Variants in RASA1 observed in about 807,000 individuals in gnomAD.
The protein encoded by RASA1 is RAS p21 protein activator 1.
In RASA1, 25 loss-of-function variants were observed where a neutral mutation model predicts 132.2. That is an observed-to-expected ratio of 0.19 (90% confidence interval 0.14 to 0.26). The LOEUF (loss-of-function observed/expected upper bound fraction) is 0.26, where lower values mean the gene tolerates loss of function less well. Ranked by LOEUF, RASA1 falls within the 10% of genes least tolerant of loss-of-function variation. The probability of loss-of-function intolerance (pLI) is 1.00; values close to 1 mark genes in which losing one functional copy is unlikely to be tolerated. For synonymous variants in RASA1, 477 were observed against 449.9 expected (o/e 1.06, Z -0.76); for missense variants, 964 against 1,299.2 (o/e 0.74, Z 3.97).
rs192385510 is a variant in RASA1, at chr5:87,269,353, G to A, written c.539+363G>A. 3.7e-3 allele frequency: 5,578 copies of A among 1,502,130 alleles called. 35 individuals are homozygous for A. The highest frequency in any genetic ancestry group is 0.015 in the African/African-American group (1,059 of 72,314). The allele number at this position is 1,502,130 out of a possible 1,614,324, so 93.1% of individuals were successfully genotyped here. On this transcript the variant is annotated intron_variant, in intron 1 of 24. Transcript: ENST00000274376. ...AGTCATAGTGTATATTAACTTGTGT[G>A]TGTTACTTGATAAAGCTAGATGATT...
intron 23 of RASA1, among the ~76,000 whole-genome samples, chr5:87,389,053 ATAT>A (rs1561332996): frequency 1.3e-5 from 2 of 152,172 alleles, no homozygotes; most frequent in Non-Finnish European, 2.9e-5. Flanking sequence ...TTAATACTGA[ATAT>A]TATATTTCAA....
chr5:87,389,585 TAATA>T, intron 24 of RASA1, 58 bp downstream of exon 24: 1 of 1,588,230 alleles, frequency 6.3e-7, no homozygotes, highest in Non-Finnish European at 8.6e-7. Flanking sequence ...CTTAGAGAGT[TAATA>T]AATAGCTGAA....
chr5:87,302,286 A>G (rs1755399398), intron 1 of RASA1, among the ~76,000 whole-genome samples: 1 of 151,764 alleles, frequency 6.6e-6, no homozygotes, highest in South Asian at 2.1e-4. Flanking sequence ...TATTTTCTTG[A>G]TGTGATGACT....
chr5:87,360,511 A>G (rs1327388592), intron 9 of RASA1, among the ~76,000 whole-genome samples: 1 of 152,204 alleles, frequency 6.6e-6, no homozygotes, highest in Non-Finnish European at 1.5e-5. Flanking sequence ...AGATTTTAAA[A>G]CACCAGTTAA....
rs544557117 is a variant in RASA1, at chr5:87,380,668, A to G, written c.2690+73A>G. The G allele has an allele frequency of 2.1e-5, 27 of 1,312,308 alleles. No individual in the cohort carries two copies. The African/African-American group carries it at 3.1e-4, about 15-fold the overall frequency. 81.3% of individuals were successfully genotyped at this position (1,312,308 alleles called of 1,614,324 possible). On this transcript the variant is annotated intron_variant, in intron 20 of 24. Coordinates refer to ENST00000274376, the MANE Select transcript of RASA1 (RefSeq NM_002890.3). ...AATTGTGAAAAATTGAGGAATAACA[A>G]TATACAATTCAATGCTTTTTTCTTT...
intron 1 of RASA1, among the ~76,000 whole-genome samples, chr5:87,317,598 G>T (rs1318582231): frequency 1.3e-5 from 2 of 150,190 alleles, no homozygotes; most frequent in African/African-American, 4.9e-5. Flanking sequence ...AGGAAAAGAT[G>T]ACCTTTTTCC....
chr5:87,273,009 G>A (rs1753914403), intron 1 of RASA1, among the ~76,000 whole-genome samples: 1 of 152,188 alleles, frequency 6.6e-6, no homozygotes, highest in African/African-American at 2.4e-5. Context: ...GGTATTAAGG[G>A]GGTTTAGGTC....
intron 13 of RASA1, 57 bp downstream of exon 13, chr5:87,372,252 CTTTTTATTTTA>C: frequency 6.7e-7 from 1 of 1,491,782 alleles, no homozygotes; most frequent in East Asian, 2.3e-5. Context: ...ACACTTTGCT[CTTTTTATTTTA>C]TTTTTATCTG....
In RASA1 at chr5:87,286,149, G is replaced by A. The variant is rs184155704; in HGVS notation, c.539+17159G>A. ...CCCGAGTAGCTGGGATTACAGGTGCGTGCCACCACCCCTGGCTAATTTTTG... is the reference window on the plus strand; with the variant it reads ...CCCGAGTAGCTGGGATTACAGGTGCATGCCACCACCCCTGGCTAATTTTTG... On this transcript the variant is annotated intron_variant, in intron 1 of 24. Transcript: ENST00000274376. 4.6e-5 allele frequency among the ~76,000 whole-genome samples: 7 copies of A among 151,968 alleles called. No homozygotes were observed. The East Asian group carries it at 9.7e-4, about 21-fold the overall frequency.
chr5:87,268,859 T>TCTGCCCCCTCCCCCTTAC lies in RASA1; in HGVS notation c.418_435dup (p.Pro140_Pro145dup). 1 of 1,614,048 alleles carries TCTGCCCCCTCCCCCTTAC rather than the reference T, an allele frequency of 6.2e-7. No homozygotes were observed. The highest frequency in any genetic ancestry group is 8.5e-7 in the Non-Finnish European group (1 of 1,180,002). On this transcript the variant is annotated inframe_insertion, in exon 1 of 25. Transcript: ENST00000274376. ...TCGGGCCAGGCGGCGGTTTTCCCCC[T>TCTGCCCCCTCCCCCTTAC]CTGCCCCCTCCCCCTTACCTGCCCC...
chr5:87,313,553 A>G (rs536169477), intron 1 of RASA1, among the ~76,000 whole-genome samples: 5 of 152,326 alleles, frequency 3.3e-5, no homozygotes, highest in Non-Finnish European at 5.9e-5. Context: ...GCCAGTGTCT[A>G]CTGTGTTCAA....
At chr5:87,302,694 T>TA (rs1222834468) in intron 1 of RASA1, among the ~76,000 whole-genome samples, 2 of 151,298 alleles carry the variant, frequency 1.3e-5, no homozygotes, top group East Asian at 3.9e-4. Flanking sequence ...AATCCATACT[T>TA]AAAGAACCCC....
chr5:87,386,693 G>A, intron 22 of RASA1, 133 bp from the exon 23 acceptor site: 1 of 732,180 alleles, frequency 1.4e-6, no homozygotes, highest in South Asian at 1.5e-5. Flanking sequence ...TACATGTATG[G>A]GTTTTGCTAT....
intron 1 of RASA1, 82 bp downstream of exon 1, chr5:87,269,072 CCTTTT>C (rs759830572): frequency 6.2e-7 from 1 of 1,613,950 alleles, no homozygotes; most frequent in Non-Finnish European, 8.5e-7. Flanking sequence ...CATACTTTGT[CCTTTT>C]CATCTGTGGT....
intron 1 of RASA1, among the ~76,000 whole-genome samples, chr5:87,272,040 T>G (rs1258262845): frequency 1.3e-5 from 2 of 151,478 alleles, no homozygotes; most frequent in Non-Finnish European, 2.9e-5. Flanking sequence ...TAATCCCAGC[T>G]ACTCTGGAGG....
intron 1 of RASA1, among the ~76,000 whole-genome samples, chr5:87,280,898 G>A (rs1754288918): frequency 6.6e-6 from 1 of 151,534 alleles, no homozygotes; most frequent in South Asian, 2.1e-4. Context: ...CTGGACTACC[G>A]GCGCCTGCCA....
chr5:87,325,321 C>T (rs983223207), intron 1 of RASA1, among the ~76,000 whole-genome samples: 7 of 152,142 alleles, frequency 4.6e-5, no homozygotes, highest in African/African-American at 1.7e-4. Flanking sequence ...AACTACAATT[C>T]AAGATGAGAT....
rs1437757630 is a variant in RASA1 at position 87,390,857 on chromosome 5, T to C, written c.3118T>C (p.Tyr1040His). ...TELLQQKQNQ[Y>H]TKTNDVR is the part of the protein sequence containing the mutation. ...ACTGCTTCAACAAAAACAAAACCAG[T>C]ATACAAAAACCAATGATGTCAGGTA... The change falls in exon 25 of 25, where the codon TAT becomes CAT. Residue 1040 changes from tyrosine to histidine, a missense_variant. Around this residue, in one of 6 missense-constraint regions of RASA1, gnomAD observed 107 missense variants for 163.8 expected, o/e 0.65. Coordinates refer to ENST00000274376, the MANE Select transcript of RASA1 (RefSeq NM_002890.3). 6.2e-7 allele frequency: 1 copy of C among 1,613,368 alleles called. No individual in the cohort carries two copies. Among genetic ancestry groups the C allele is most frequent in the Non-Finnish European group, 8.5e-7 (1 of 1,179,328 alleles).
intron 23 of RASA1, among the ~76,000 whole-genome samples, chr5:87,388,270 C>G (rs1194255824): frequency 6.6e-6 from 1 of 152,114 alleles, no homozygotes; most frequent in Non-Finnish European, 1.5e-5. Flanking sequence ...CCATAGATAA[C>G]ATTGTTTTGC....
Sources: gnomAD v4.1 joint callset for allele counts (sites outside exome capture counted in the v4.1 genomes callset) on GRCh38, gnomAD v4.1.1 for gene constraint, gnomAD v4.1.1 regional missense constraint, MANE v1.5 for transcripts, NCBI Gene and HGNC (gene_info 2026-07-23, HGNC 2026-07-21) for gene names.